ITGBL1: variants seen among roughly 807,000 people sequenced by gnomAD.
The protein encoded by ITGBL1 is integrin beta-like protein 1.
A neutral mutation model predicts 68.5 loss-of-function variants in ITGBL1; 51 were observed. The observed-to-expected ratio is 0.74, with a 90% CI of 0.59 to 0.94. The LOEUF (loss-of-function observed/expected upper bound fraction) is 0.94. ITGBL1 is among the 40% of genes least tolerant of loss of function. The pLI, the probability that ITGBL1 is intolerant of heterozygous loss-of-function variation, is 0.00. For missense variants in ITGBL1, 649 were observed against 647.4 expected (o/e 1.00, Z -0.03); for synonymous variants, 209 against 227.3 (o/e 0.92, Z 0.72).
At chr13:101,568,655 A>G (rs1246443894) in intron 3 of ITGBL1, among the ~76,000 whole-genome samples, 6 of 152,088 alleles carry the variant, frequency 3.9e-5, no homozygotes, top group Admixed American at 3.9e-4. Context: ...ATTTTAATAT[A>G]GATGAGTGTG....
chr13:101,540,453 T>C (rs1483845313), intron 2 of ITGBL1, among the ~76,000 whole-genome samples: 1 of 152,210 alleles, frequency 6.6e-6, no homozygotes, highest in Non-Finnish European at 1.5e-5. Context: ...TTGGTTACTA[T>C]AGCCTTGTAG....
At chr13:101,472,695 A>T (rs1190977466) in intron 2 of ITGBL1, among the ~76,000 whole-genome samples, 1 of 152,312 alleles carries the variant, frequency 6.6e-6, no homozygotes, top group African/African-American at 2.4e-5. Context: ...TGTGAAGTCC[A>T]TTAACTTAAT....
At chr13:101,682,937 C>T (rs199682865) in intron 7 of ITGBL1, among the ~76,000 whole-genome samples, 1 of 151,972 alleles carries the variant, frequency 6.6e-6, no homozygotes, top group Non-Finnish European at 1.5e-5. Context: ...ATGACTTAAA[C>T]TTTTACATTT....
chr13:101,566,480 G>C (rs142560494), intron 2 of ITGBL1, among the ~76,000 whole-genome samples: 5 of 152,220 alleles, frequency 3.3e-5, no homozygotes, highest in African/African-American at 1.2e-4. Flanking sequence ...ATACTTGCAA[G>C]GTTTTGGTTA....
intron 7 of ITGBL1, among the ~76,000 whole-genome samples, chr13:101,609,846 A>G (rs1489079332): frequency 6.6e-6 from 1 of 152,168 alleles, no homozygotes; most frequent in African/African-American, 2.4e-5. Context: ...CCTGTTCTAA[A>G]TAAACAATCT....
chr13:101,541,263 AG>A (rs566385399), intron 2 of ITGBL1, among the ~76,000 whole-genome samples: 2,140 of 151,820 alleles, frequency 0.014, 48 homozygotes, highest in African/African-American at 0.048. Context: ...TTTAGCATGA[AG>A]GGTTGTTGAA....
rs75709514 is a variant in ITGBL1 at position 101,584,518 on chromosome 13, C to A, written c.868+1162C>A. ...TTGCCAGCAAAGGGAGATAAAAGAACTGTCCCATTTAATTATGAGTGTGCA... is the reference window on the plus strand; with the variant it reads ...TTGCCAGCAAAGGGAGATAAAAGAAATGTCCCATTTAATTATGAGTGTGCA... On this transcript the variant is annotated intron_variant, in intron 6 of 10. Coordinates refer to ENST00000376180, the MANE Select transcript of ITGBL1 (RefSeq NM_004791.3). 9.0e-3 allele frequency among the ~76,000 whole-genome samples: 1,372 copies of A among 152,232 alleles called. 21 individuals carry two copies. Among genetic ancestry groups the A allele is most frequent in the African/African-American group, 0.031 (1,296 of 41,544 alleles).
At chr13:101,605,722 G>A (rs564397065) in intron 7 of ITGBL1, among the ~76,000 whole-genome samples, 9 of 151,380 alleles carry the variant, frequency 5.9e-5, no homozygotes, top group Non-Finnish European at 1.3e-4. Flanking sequence ...GCGTATATGC[G>A]TGTACACGTA....
chr13:101,482,377 T>C (rs774438388), intron 2 of ITGBL1, among the ~76,000 whole-genome samples: 8 of 151,868 alleles, frequency 5.3e-5, no homozygotes, highest in Non-Finnish European at 1.2e-4. Context: ...ATGATACTTA[T>C]CTGCCTTGTT....
At chr13:101,572,582 C>T (rs956836660) in intron 3 of ITGBL1, among the ~76,000 whole-genome samples, 2 of 152,080 alleles carry the variant, frequency 1.3e-5, no homozygotes, top group Non-Finnish European at 2.9e-5. Flanking sequence ...GAGAGAGAAG[C>T]TGTGTGTGTC....
At chr13:101,527,114 C>A (rs7339286) in intron 2 of ITGBL1, among the ~76,000 whole-genome samples, 117,986 of 151,952 alleles carry the variant, frequency 0.78, 46,163 homozygotes, top group African/African-American at 0.88. Flanking sequence ...TAAAATTTGA[C>A]TTCAATGAAT....
intron 7 of ITGBL1, among the ~76,000 whole-genome samples, chr13:101,622,679 C>G (rs958481415): frequency 2.6e-5 from 4 of 152,122 alleles, no homozygotes; most frequent in Non-Finnish European, 5.9e-5. Flanking sequence ...CATGAGCGCA[C>G]AGATGGATCC....
chr13:101,540,817 T>C (rs1446117807), intron 2 of ITGBL1, among the ~76,000 whole-genome samples: 1 of 148,904 alleles, frequency 6.7e-6, no homozygotes, highest in Non-Finnish European at 1.5e-5. Flanking sequence ...TTTGAAGCAA[T>C]TGTGAATGGG....
At chr13:101,669,748 C>G (rs2033313037) in intron 7 of ITGBL1, among the ~76,000 whole-genome samples, 1 of 152,030 alleles carries the variant, frequency 6.6e-6, no homozygotes, top group South Asian at 2.1e-4. Context: ...TATTTTTTCC[C>G]AATTCCAGAT....
intron 2 of ITGBL1, among the ~76,000 whole-genome samples, chr13:101,517,328 AT>A (rs1229067886): frequency 2.6e-5 from 4 of 152,274 alleles, no homozygotes; most frequent in African/African-American, 4.8e-5. Context: ...ATTGATGTTT[AT>A]TTTTTTCAAG....
intron 6 of ITGBL1, among the ~76,000 whole-genome samples, chr13:101,591,182 C>T (rs1012876246): frequency 2.0e-5 from 3 of 152,154 alleles, no homozygotes; most frequent in Admixed American, 6.6e-5. Context: ...GGATTATGGG[C>T]GTGAGTCACC....
At chr13:101,551,133 A>T (rs1435971000) in intron 2 of ITGBL1, among the ~76,000 whole-genome samples, 1 of 152,200 alleles carries the variant, frequency 6.6e-6, no homozygotes, top group Non-Finnish European at 1.5e-5. Context: ...GAGAAAGAAG[A>T]GAAGTTGTCA....
rs202020750 is a variant in ITGBL1 at position 101,461,159 on chromosome 13, GA to G, written c.316+7061del. Among the ~76,000 whole-genome samples, 117 of 152,242 alleles carry G rather than the reference GA, an allele frequency of 7.7e-4. 1 individual carries two copies. In the East Asian group the frequency reaches 0.019, roughly 25 times the overall value. ...GTTTCCCCAGAATGAGAAAGGAAAG[GA>G]ACATATGGAAACAAATTTATTTGTA... is the stretch of plus-strand genomic sequence containing the variant. On this transcript the variant is annotated intron_variant, in intron 2 of 10. Transcript: ENST00000376180.
intron 7 of ITGBL1, among the ~76,000 whole-genome samples, chr13:101,609,995 T>A (rs2031048264): frequency 6.6e-6 from 1 of 152,150 alleles, no homozygotes. Flanking sequence ...AACTTCCTAG[T>A]AAAGACTGCA....
Sources: allele counts gnomAD v4.1 joint callset (sites outside exome capture counted in the v4.1 genomes callset), GRCh38; gene constraint gnomAD v4.1.1; transcripts MANE v1.5; gene names NCBI Gene and HGNC (gene_info 2026-07-23, HGNC 2026-07-21).